FBXO41: variants seen among roughly 807,000 people sequenced by gnomAD.
FBXO41 encodes F-box protein 41, also known as F-box only protein 41.
Under a neutral mutation model 81.6 loss-of-function variants are expected in FBXO41, and 33 were observed. The ratio of observed to expected loss-of-function variants is 0.40; its 90% CI spans 0.31 to 0.54. The LOEUF (loss-of-function observed/expected upper bound fraction) is 0.54, where lower values mean the gene tolerates loss of function less well. FBXO41 is among the 20% of genes least tolerant of loss of function. The probability of loss-of-function intolerance (pLI) is 0.39; values close to 1 mark genes in which losing one functional copy is unlikely to be tolerated. For synonymous variants in FBXO41, 576 were observed against 552.7 expected, an observed-to-expected ratio of 1.04 and a Z score of -0.59; for missense variants, 1,107 against 1,236.0, an observed-to-expected ratio of 0.90 and a Z score of 1.56.
chr2:73,265,407 T>G lies in FBXO41; in HGVS notation c.1439A>C (p.Glu480Ala). The change falls in exon 5 of 13, where the codon GAG becomes GCG. Residue 480 changes from glutamate (E) to alanine (A), a missense_variant. Physicochemically the swap from Glu to Ala is moderately radical, Grantham distance 107. This residue lies in a region of FBXO41 where 771 missense variants were observed against 789.2 expected (regional missense o/e 0.98). Coordinates refer to ENST00000520530, the MANE Select transcript of FBXO41 (RefSeq NM_001371389.2). Reference sequence around the variant, plus strand: ...GTCGGAGACATCACCCTCTTCCCCCTCAGTGCTGTGTCGGCGGGGTCTGCG... The same window carrying G: ...GTCGGAGACATCACCCTCTTCCCCCGCAGTGCTGTGTCGGCGGGGTCTGCG... The part of the protein sequence containing the change: ...WQRRPRRHST[E>A]GEEGDVSDVG... The G allele has an allele frequency of 6.2e-7, 1 of 1,610,688 alleles. No individual in the cohort carries two copies. Among genetic ancestry groups the G allele is most frequent in the African/African-American group, 1.3e-5 (1 of 75,026 alleles).
rs759005047 is a variant in FBXO41 at position 73,266,662 on chromosome 2, T to C, written c.926A>G (p.Gln309Arg). The C allele has an allele frequency of 3.1e-6, 5 of 1,594,124 alleles. No homozygotes were observed. Among genetic ancestry groups the C allele is most frequent in the Non-Finnish European group, 4.3e-6 (5 of 1,170,892 alleles). The change falls in exon 3 of 13, where the codon CAG becomes CGG. Residue 309 changes from glutamine (Q) to arginine (R), a missense_variant. Physicochemically the swap from Gln to Arg is conservative, Grantham distance 43. Transcript: ENST00000520530. This position sits in a 1 kb window ranked among gnomAD's most constrained non-coding sequence, Gnocchi z 5.3. ...RKQQEVVQID[Q>R]FLKETAAREA... ...CCGCGCCGCCGTCTCCTTCAGGAAC[T>C]GGTCGATCTGCACCACCTCCCTGGG...
intron 1 of FBXO41, among the ~76,000 whole-genome samples, chr2:73,279,522 G>C (rs1238874248): frequency 6.6e-6 from 1 of 152,182 alleles, no homozygotes; most frequent in East Asian, 1.9e-4. Context: ...CAGCAGAAAT[G>C]GGAGTTCTGG....
At chr2:73,263,543 G>A in intron 8 of FBXO41, 135 bp downstream of exon 8, 4 of 1,176,682 alleles carry the variant, frequency 3.4e-6, no homozygotes, top group South Asian at 3.1e-5. Flanking sequence ...TCTTGCCAAG[G>A]CTTCCTTTCC....
chr2:73,271,175 A>G lies in FBXO41; in HGVS notation c.-138-1407T>C, dbSNP rs549848539. 1.2e-4 allele frequency: 40 copies of G among 335,120 alleles called. 1 individual carries two copies. Among genetic ancestry groups the G allele is most frequent in the African/African-American group, 8.6e-4 (40 of 46,384 alleles). 20.8% of individuals were successfully genotyped at this position (335,120 alleles called of 1,614,324 possible). On this transcript the variant is annotated intron_variant, in intron 1 of 12. Coordinates refer to ENST00000520530, the MANE Select transcript of FBXO41 (RefSeq NM_001371389.2). The stretch of plus-strand genomic sequence containing the variant: ...ACTTCTCCATCCTGACCTGCCGCAT[A>G]GTTGTGTTGCCTTCTGGCATTTCCA...
At chr2:73,270,790 C>A in intron 1 of FBXO41, 2 of 534,042 alleles carry the variant, frequency 3.7e-6, no homozygotes, top group South Asian at 2.8e-5. Flanking sequence ...TCACTCTTCT[C>A]CTACCTTGTG....
rs373376404 is a variant in FBXO41 at position 73,266,647 on chromosome 2, G to A, written c.941C>T (p.Thr314Met). The change falls in exon 3 of 13, where the codon ACG (threonine) becomes ATG (methionine). Residue 314 changes from threonine to methionine, a missense_variant. Thr to Met is a moderately conservative substitution (Grantham distance 81). Transcript: ENST00000520530. This position sits in a 1 kb window ranked among gnomAD's most constrained non-coding sequence, Gnocchi z 5.3. ...VVQIDQFLKE[T>M]AAREASAKLR... ...CTTGGCGCTGGCCTCCCGCGCCGCC[G>A]TCTCCTTCAGGAACTGGTCGATCTG... 8.1e-5 allele frequency: 130 copies of A among 1,602,828 alleles called. No homozygotes were observed. The Middle Eastern group carries it at 8.3e-4, about 10-fold the overall frequency.
In FBXO41 at chr2:73,264,355, G is replaced by A. The variant is rs1207456904; in HGVS notation, c.1729C>T (p.Arg577Trp). The change falls in exon 6 of 13, where the codon CGG becomes TGG. Residue 577 changes from arginine (R) to tryptophan (W), a missense_variant. Around this residue, in one of 2 missense-constraint regions of FBXO41, gnomAD observed 336 missense variants for 446.7 expected, o/e 0.75. Coordinates refer to ENST00000520530, the MANE Select transcript of FBXO41 (RefSeq NM_001371389.2). ...TGGCGGGCCACGAAGCGCCAGTCCC[G>A]GCAGACCTCGGCAGCATGCAGCAGT... ...RTLLHAAEVC[R>W]DWRFVARHPA... The A allele has an allele frequency of 6.8e-6, 11 of 1,613,592 alleles. No homozygotes were observed. The highest frequency in any genetic ancestry group is 4.4e-5 in the South Asian group (4 of 91,090).
rs1472226565 is a variant in FBXO41, at chr2:73,269,342, C to A, written c.289G>T (p.Gly97Trp). Residue 97 changes from glycine (G) to tryptophan (W), a missense_variant, in exon 2 of 13, where the codon GGG (glycine) becomes TGG (tryptophan). By Grantham distance (184) the Gly-to-Trp change is radical. Coordinates refer to ENST00000520530, the MANE Select transcript of FBXO41 (RefSeq NM_001371389.2). The surrounding 1 kb of genome is among the most constrained non-coding windows in gnomAD (Gnocchi z 7.0). ...AGGTGCGGCGCCGCGGGCGACGGCC[C>A]GGCCGCCTGCTCCTTGCCCTGGAAG... ...TSFQGKEQAA[G>W]PSPAAPHLLH... 6.6e-7 allele frequency: 1 copy of A among 1,518,932 alleles called. No individual in the cohort carries two copies. Among genetic ancestry groups the A allele is most frequent in the Admixed American group, 2.0e-5 (1 of 48,800 alleles). 94.1% of individuals were successfully genotyped at this position (1,518,932 alleles called of 1,614,324 possible). A position where few individuals can be genotyped will look rare whatever the true frequency, so the allele number is the denominator to read the frequency against.
Position 73,258,032 on chromosome 2 carries a change from C to T in FBXO41, c.*950G>A, listed in dbSNP as rs1482681102. The T allele has an allele frequency of 6.6e-6, 1 of 152,250 alleles. No homozygotes were observed. Among genetic ancestry groups the T allele is most frequent in the Non-Finnish European group, 1.5e-5 (1 of 68,054 alleles). 9.4% of individuals were successfully genotyped at this position (152,250 alleles called of 1,614,324 possible). On this transcript the variant is annotated 3_prime_UTR_variant, in exon 13 of 13. Transcript: ENST00000520530. ...CAGAGGGCGGCCCTGTGCCTCCCTC[C>T]CAGACAGCCTTGGTGACCCGAAGGC...
chr2:73,275,678 A>G (rs951096471), intron 1 of FBXO41, among the ~76,000 whole-genome samples: 1 of 152,180 alleles, frequency 6.6e-6, no homozygotes, highest in Admixed American at 6.5e-5. Flanking sequence ...TCTGCACACT[A>G]CTTCCCTGCG....
Position 73,259,345 on chromosome 2 carries a change from G to A in FBXO41, c.2450-49C>T. 2.1e-6 allele frequency: 3 copies of A among 1,446,398 alleles called. No homozygotes were observed. The highest frequency in any genetic ancestry group is 2.9e-6 in the Non-Finnish European group (3 of 1,027,908). 89.6% of individuals were successfully genotyped at this position (1,446,398 alleles called of 1,614,324 possible). A position where few individuals can be genotyped will look rare whatever the true frequency, so the allele number is the denominator to read the frequency against. On this transcript the variant is annotated intron_variant, in intron 11 of 12. Coordinates refer to ENST00000520530, the MANE Select transcript of FBXO41 (RefSeq NM_001371389.2). This position sits in a 1 kb window ranked among gnomAD's most constrained non-coding sequence, Gnocchi z 4.2. ...GGGCGTGTTTGGCCTGGGCTGTGGAGCTGCCTCCTCTCCTCTCACTAATTA... is the reference window on the plus strand; with the variant it reads ...GGGCGTGTTTGGCCTGGGCTGTGGAACTGCCTCCTCTCCTCTCACTAATTA...
Position 73,266,075 on chromosome 2 carries a change from G to A in FBXO41, c.1132-109C>T. 1 of 958,906 alleles carries A rather than the reference G, an allele frequency of 1.0e-6. No homozygotes were observed. Among genetic ancestry groups the A allele is most frequent in the Admixed American group, 2.1e-5 (1 of 46,534 alleles). 59.4% of individuals were successfully genotyped at this position (958,906 alleles called of 1,614,324 possible). On this transcript the variant is annotated intron_variant, in intron 3 of 12. Coordinates refer to ENST00000520530, the MANE Select transcript of FBXO41 (RefSeq NM_001371389.2). The surrounding 1 kb of genome is among the most constrained non-coding windows in gnomAD (Gnocchi z 5.3). The stretch of plus-strand genomic sequence containing the variant: ...AAGATGGAGAGGAGATGGGGGAGAG[G>A]AGAGAGAAGGGAAAATAGTTGGGAA...
chr2:73,277,697 A>G (rs1688735679), intron 1 of FBXO41, among the ~76,000 whole-genome samples: 2 of 152,020 alleles, frequency 1.3e-5, no homozygotes, highest in African/African-American at 4.8e-5. Context: ...CTCTTCAAAC[A>G]AGACCAACCA....
intron 8 of FBXO41, 107 bp from the exon 9 acceptor site, chr2:73,263,415 TC>T: frequency 1.1e-6 from 1 of 884,510 alleles, no homozygotes; most frequent in Non-Finnish European, 1.7e-6. Context: ...AGCCCAGGAT[TC>T]CAGACTAGCT....
At position 73,259,124 on chromosome 2, in the gene FBXO41, G is replaced by A. The variant is rs1210382505; in HGVS notation, c.2565+57C>T. The A allele has an allele frequency of 2.0e-5, 32 of 1,610,524 alleles. No homozygotes were observed. The Middle Eastern group carries it at 2.6e-3, about 133-fold the overall frequency. ...CCTGCCACACTCACCCAGGTCACCAGCCCCAGTCTAGGGATGCCACTTGGG... is the reference window on the plus strand; with the variant it reads ...CCTGCCACACTCACCCAGGTCACCAACCCCAGTCTAGGGATGCCACTTGGG... On this transcript the variant is annotated intron_variant, in intron 12 of 12. Transcript: ENST00000520530. The surrounding 1 kb of genome is among the most constrained non-coding windows in gnomAD (Gnocchi z 4.2).
chr2:73,266,757 A>G lies in FBXO41; in HGVS notation c.906-75T>C. Reference sequence around the variant, plus strand: ...CCACCCTCTGGAGGAGAGCCTGGCCAGTGCGGGGAGACACTGGCACAGCTG... The same window carrying G: ...CCACCCTCTGGAGGAGAGCCTGGCCGGTGCGGGGAGACACTGGCACAGCTG... On this transcript the variant is annotated intron_variant, in intron 2 of 12. Coordinates refer to ENST00000520530, the MANE Select transcript of FBXO41 (RefSeq NM_001371389.2). This position sits in a 1 kb window ranked among gnomAD's most constrained non-coding sequence, Gnocchi z 5.3. 6.9e-7 allele frequency: 1 copy of G among 1,454,354 alleles called. No individual in the cohort carries two copies. The highest frequency in any genetic ancestry group is 1.5e-5 in the South Asian group (1 of 68,390). The allele number at this position is 1,454,354 out of a possible 1,614,324, so 90.1% of individuals were successfully genotyped here.
At chr2:73,276,576 G>GAC (rs913919540) in intron 1 of FBXO41, among the ~76,000 whole-genome samples, 5 of 126,638 alleles carry the variant, frequency 3.9e-5, no homozygotes, top group Non-Finnish European at 7.7e-5. Context: ...GAGAGAGAGA[G>GAC]AGAGAGAGAG....
Position 73,266,583 on chromosome 2 carries a change from C to A in FBXO41, c.1005G>T (p.Arg335=). ...LQQFIEELLE[R]ADRAERQLQV... is the part of the protein sequence containing the mutation. ...GCAGCTGCCGCTCGGCACGGTCAGC[C>A]CGCTCAAGGAGCTCCTCAATGAACT... Residue 335 remains arginine, a synonymous_variant, in exon 3 of 13, where the codon CGG becomes CGT. Transcript: ENST00000520530. The surrounding 1 kb of genome is among the most constrained non-coding windows in gnomAD (Gnocchi z 5.3). 1 of 1,611,266 alleles carries A rather than the reference C, an allele frequency of 6.2e-7. No individual in the cohort carries two copies. Among genetic ancestry groups the A allele is most frequent in the Non-Finnish European group, 8.5e-7 (1 of 1,179,140 alleles).
In FBXO41 at chr2:73,258,571, T is replaced by G; in HGVS notation, c.*411A>C. On this transcript the variant is annotated 3_prime_UTR_variant, in exon 13 of 13. Transcript: ENST00000520530. ...TCTGAGCTGCCTTGTGGAGCCCCCA[T>G]TGGCTTGGGGCCCCAGATGCTCCTG... 1.1e-5 allele frequency: 2 copies of G among 181,162 alleles called. No individual in the cohort carries two copies. The highest frequency in any genetic ancestry group is 1.4e-4 in the East Asian group (1 of 7,050). The allele number at this position is 181,162 out of a possible 1,614,324, so 11.2% of individuals were successfully genotyped here.
Sources: allele counts gnomAD v4.1 joint callset (sites outside exome capture counted in the v4.1 genomes callset), GRCh38; gene constraint gnomAD v4.1.1; regional missense constraint gnomAD v4.1.1; non-coding constraint Gnocchi (gnomAD v3.1); transcripts MANE v1.5; gene names NCBI Gene and HGNC (gene_info 2026-07-23, HGNC 2026-07-21).